ASCC3: variants seen among roughly 807,000 people sequenced by gnomAD.
ASCC3 encodes activating signal cointegrator 1 complex subunit 3, also known as ASC-1 complex subunit P200.
A neutral mutation model predicts 256.3 loss-of-function variants in ASCC3; 158 were observed. The observed-to-expected ratio is 0.62, with a 90% CI of 0.54 to 0.70. ASCC3 has a LOEUF of 0.70. Among genes scored for constraint, ASCC3 ranks in the 30% least tolerant of loss-of-function variants. The pLI is 0.00. For missense variants in ASCC3, 2,259 were observed against 2,626.0 expected (o/e 0.86, Z 3.05); for synonymous variants, 948 against 883.4 (o/e 1.07, Z -1.30).
chr6:100,524,014 A>C (rs2114627398), intron 37 of ASCC3, among the ~76,000 whole-genome samples: 1 of 152,240 alleles, frequency 6.6e-6, no homozygotes, highest in Middle Eastern at 3.4e-3. Context: ...ATATTTAACA[A>C]TACTAACTAT....
intron 8 of ASCC3, among the ~76,000 whole-genome samples, chr6:100,786,881 G>A (rs1769107497): frequency 6.6e-6 from 1 of 152,114 alleles, no homozygotes; most frequent in Non-Finnish European, 1.5e-5. Flanking sequence ...TCTTAAAAAT[G>A]GGTCAAAATG....
At chr6:100,560,103 G>A (rs1367137884) in intron 36 of ASCC3, among the ~76,000 whole-genome samples, 1 of 152,160 alleles carries the variant, frequency 6.6e-6, no homozygotes, top group Admixed American at 6.6e-5. Flanking sequence ...GGTAATATAT[G>A]TAAGTGGATA....
At chr6:100,718,395 A>G (rs1779180448) in intron 11 of ASCC3, 144 bp from the exon 12 acceptor site, 7 of 611,810 alleles carry the variant, frequency 1.1e-5, no homozygotes, top group Non-Finnish European at 1.9e-5. Context: ...CATGTCAGAC[A>G]TTGTAGCCCA....
chr6:100,548,001 G>A (rs1769071403), intron 36 of ASCC3, among the ~76,000 whole-genome samples: 1 of 150,848 alleles, frequency 6.6e-6, no homozygotes, highest in Non-Finnish European at 1.5e-5. Context: ...GAACATGAAT[G>A]AGTATCAAAA....
At chr6:100,839,436 T>G (rs144083123) in intron 4 of ASCC3, among the ~76,000 whole-genome samples, 1,679 of 152,266 alleles carry the variant, frequency 0.011, 10 homozygotes, top group Middle Eastern at 0.017. Flanking sequence ...AAATCTGTTA[T>G]TGCCATAAAT....
At chr6:100,638,233 T>A (rs1214682783) in intron 25 of ASCC3, among the ~76,000 whole-genome samples, 1 of 152,224 alleles carries the variant, frequency 6.6e-6, no homozygotes, top group Non-Finnish European at 1.5e-5. Context: ...AGACTCACTA[T>A]AAGGCTGAGA....
chr6:100,676,051 T>A (rs900857065), intron 14 of ASCC3, among the ~76,000 whole-genome samples: 19 of 152,286 alleles, frequency 1.2e-4, no homozygotes, highest in East Asian at 9.6e-4. Context: ...CCTTGAGGTA[T>A]GTTCTATTTT....
At chr6:100,814,583 T>C (rs950126558) in intron 4 of ASCC3, among the ~76,000 whole-genome samples, 1 of 152,142 alleles carries the variant, frequency 6.6e-6, no homozygotes, top group East Asian at 1.9e-4. Context: ...GAGCTTTTTT[T>C]AGTTGTATGA....
chr6:100,721,535 A>C (rs1779332244), intron 11 of ASCC3, among the ~76,000 whole-genome samples: 1 of 151,738 alleles, frequency 6.6e-6, no homozygotes. Context: ...TAGAGATGAT[A>C]GTTTCAGACT....
At chr6:100,545,858 T>A (rs930879318) in intron 36 of ASCC3, among the ~76,000 whole-genome samples, 1 of 152,188 alleles carries the variant, frequency 6.6e-6, no homozygotes, top group Non-Finnish European at 1.5e-5. Flanking sequence ...TGGGATTACA[T>A]ATGTGAACCA....
intron 8 of ASCC3, among the ~76,000 whole-genome samples, chr6:100,773,475 G>C (rs1360409070): frequency 6.6e-6 from 1 of 151,984 alleles, no homozygotes; most frequent in East Asian, 1.9e-4. Context: ...AGCAATTTCT[G>C]GTTCTCTCCA....
chr6:100,540,234 C>A lies in ASCC3; in HGVS notation c.5704G>T (p.Ala1902Ser), dbSNP rs768517226. Residue 1902 changes from alanine (A) to serine (S), a missense_variant, in exon 37 of 42, where the codon GCC becomes TCC. Ala to Ser is a moderately conservative substitution (Grantham distance 99). Transcript: ENST00000369162. ...TCATAATCTGGGCAGGGTAGCATGG[C>A]TCGGCTGAGATGTGCCTGTAGCAGG... ...HLLLQAHLSR[A>S]MLPCPDYDTD... is the part of the protein sequence containing the mutation. 1 of 1,614,050 alleles carries A rather than the reference C, an allele frequency of 6.2e-7. No homozygotes were observed. Among genetic ancestry groups the A allele is most frequent in the Non-Finnish European group, 8.5e-7 (1 of 1,180,004 alleles).
intron 1 of ASCC3, among the ~76,000 whole-genome samples, chr6:100,871,811 G>A (rs1372580075): frequency 6.6e-6 from 1 of 152,140 alleles, no homozygotes; most frequent in Non-Finnish European, 1.5e-5. Flanking sequence ...ATGGGGGTCT[G>A]TAAGAGAATA....
At chr6:100,586,572 C>T (rs1582504422) in intron 36 of ASCC3, among the ~76,000 whole-genome samples, 1 of 152,162 alleles carries the variant, frequency 6.6e-6, no homozygotes, top group Admixed American at 6.5e-5. Flanking sequence ...TTGGCTCACG[C>T]ACGGTGTGCT....
intron 13 of ASCC3, among the ~76,000 whole-genome samples, chr6:100,684,684 T>A (rs1388900241): frequency 2.0e-5 from 3 of 151,884 alleles, no homozygotes; most frequent in African/African-American, 4.8e-5. Context: ...GTATTTAACA[T>A]CACACAAAAC....
chr6:100,876,094 T>G (rs753429811), intron 1 of ASCC3, among the ~76,000 whole-genome samples: 3 of 152,032 alleles, frequency 2.0e-5, no homozygotes, highest in African/African-American at 7.2e-5. Context: ...TCTCTGAGAA[T>G]GCAGGCGAGA....
In ASCC3 at chr6:100,607,101, A is replaced by G. The variant is rs770418739; in HGVS notation, c.4786-13T>C. On this transcript the variant is annotated splice_polypyrimidine_tract_variant and intron_variant, in intron 30 of 41. Coordinates refer to ENST00000369162, the MANE Select transcript of ASCC3 (RefSeq NM_006828.4). ...TGATGTTCTCCATCTGCAAGTAAAA[A>G]CAAAATTACAAGATGTAGATGCATA... The G allele has an allele frequency of 8.1e-6, 13 of 1,612,700 alleles. No individual in the cohort carries two copies. The African/African-American group carries it at 1.3e-4, about 17-fold the overall frequency.
chr6:100,553,367 G>A (rs1021382524), intron 36 of ASCC3, among the ~76,000 whole-genome samples: 18 of 151,970 alleles, frequency 1.2e-4, no homozygotes, highest in Admixed American at 7.2e-4. Flanking sequence ...ACTGACTATC[G>A]GTAAGGTTCA....
At chr6:100,520,261 G>C (rs527995886) in intron 37 of ASCC3, among the ~76,000 whole-genome samples, 4 of 152,060 alleles carry the variant, frequency 2.6e-5, no homozygotes, top group Non-Finnish European at 4.4e-5. Context: ...CTGTGTAGGG[G>C]ATAAAAAAAC....
Sources: gnomAD v4.1 joint callset for allele counts (sites outside exome capture counted in the v4.1 genomes callset) on GRCh38, gnomAD v4.1.1 for gene constraint, MANE v1.5 for transcripts, NCBI Gene and HGNC (gene_info 2026-07-23, HGNC 2026-07-21) for gene names.